SLC4A10: variants seen among roughly 807,000 people sequenced by gnomAD.
The protein encoded by SLC4A10 is solute carrier family 4 member 10.
Under a neutral mutation model 137.7 loss-of-function variants are expected in SLC4A10, and 42 were observed. That is an observed-to-expected ratio of 0.30 (90% CI 0.24 to 0.39). SLC4A10 has a LOEUF of 0.39. SLC4A10 is among the 10% of genes least tolerant of loss of function. The pLI is 1.00. For missense variants in SLC4A10, 925 were observed against 1,355.0 expected, an observed-to-expected ratio of 0.68 and a Z score of 4.98; for synonymous variants, 474 against 464.1, an observed-to-expected ratio of 1.02 and a Z score of -0.27.
chr2:161,799,906 C>G (rs13389434), intron 2 of SLC4A10, among the ~76,000 whole-genome samples: 2,105 of 151,954 alleles, frequency 0.014, 45 homozygotes, highest in African/African-American at 0.048. Flanking sequence ...TATATAAACT[C>G]TTTATATAGT....
Position 161,798,718 on chromosome 2 carries a change from GA to G in SLC4A10, c.131-5725del, listed in dbSNP as rs367932408. 6.4e-3 allele frequency among the ~76,000 whole-genome samples: 971 copies of G among 151,228 alleles called. 12 individuals are homozygous for G. Among genetic ancestry groups the G allele is most frequent in the African/African-American group, 0.022 (921 of 41,266 alleles). ...GACATATGTGTCTTTAAGTTAGAGA[GA>G]AAAAACCTTGACATTTTTCTGTGAC... On this transcript the variant is annotated intron_variant, in intron 2 of 26. Transcript: ENST00000446997.
At chr2:161,868,176 A>T (rs1371964383) in intron 6 of SLC4A10, among the ~76,000 whole-genome samples, 1 of 151,982 alleles carries the variant, frequency 6.6e-6, no homozygotes, top group African/African-American at 2.4e-5. Context: ...AACTATAGCT[A>T]AAGACAAATG....
chr2:161,966,862 A>C (rs557077240), intron 23 of SLC4A10, among the ~76,000 whole-genome samples: 152 of 152,346 alleles, frequency 1.0e-3, no homozygotes, highest in African/African-American at 3.5e-3. Context: ...AATTTGGCAC[A>C]AGTTAAATTT....
intron 5 of SLC4A10, among the ~76,000 whole-genome samples, chr2:161,859,276 TTTTTCTTTTC>T (rs139631187): frequency 1.9e-4 from 27 of 144,534 alleles, no homozygotes; most frequent in Non-Finnish European, 3.3e-4. Flanking sequence ...GTGCTACTAG[TTTTTCTTTTC>T]TTTTCTTTTC....
At chr2:161,911,098 A>C (rs1321761989) in intron 15 of SLC4A10, among the ~76,000 whole-genome samples, 2 of 152,004 alleles carry the variant, frequency 1.3e-5, no homozygotes, top group African/African-American at 4.8e-5. Context: ...TGGTAAGTTA[A>C]GTATACATTA....
chr2:161,804,346 T>C, intron 2 of SLC4A10, 103 bp from the exon 3 acceptor site: 1 of 1,277,460 alleles, frequency 7.8e-7, no homozygotes, highest in South Asian at 1.7e-5. Flanking sequence ...CAAAAATGAC[T>C]TGCTGAATTA....
intron 4 of SLC4A10, among the ~76,000 whole-genome samples, chr2:161,843,581 A>G (rs1313301100): frequency 1.3e-5 from 2 of 152,126 alleles, no homozygotes; most frequent in African/African-American, 4.8e-5. Context: ...GGCAGAACAT[A>G]TTTATTGAGG....
intron 1 of SLC4A10, among the ~76,000 whole-genome samples, chr2:161,758,578 C>T (rs1053735987): frequency 9.2e-5 from 14 of 151,948 alleles, no homozygotes; most frequent in African/African-American, 3.4e-4. Context: ...AATCATTAAA[C>T]TAACAGACAC....
chr2:161,879,344 G>T (rs2061619071), intron 9 of SLC4A10, 56 bp downstream of exon 9: 4 of 1,474,554 alleles, frequency 2.7e-6, no homozygotes, highest in Non-Finnish European at 3.7e-6. Context: ...TTCATGGAAA[G>T]AAAATGAGGA....
chr2:161,721,113 G>A (rs1039755652), intron 1 of SLC4A10, among the ~76,000 whole-genome samples: 1 of 152,148 alleles, frequency 6.6e-6, no homozygotes, highest in Non-Finnish European at 1.5e-5. Context: ...ACAGGCATGA[G>A]CCAGGGCCTT....
intron 1 of SLC4A10, among the ~76,000 whole-genome samples, chr2:161,766,366 T>G (rs1030481013): frequency 4.6e-5 from 7 of 152,122 alleles, no homozygotes; most frequent in Admixed American, 1.3e-4. Flanking sequence ...AGAGAAAAAT[T>G]ATTTGTATAA....
At position 161,701,305 on chromosome 2, in the gene SLC4A10, C is replaced by T. The variant is rs2043098905; in HGVS notation, c.49-69668C>T. ...AATCTATTTATTTATGATCTGTGAA[C>T]CTGTCTGTGTTAGAATTTAAAAAGA... On this transcript the variant is annotated intron_variant, in intron 1 of 26. Transcript: ENST00000446997. 3.9e-5 allele frequency among the ~76,000 whole-genome samples: 6 copies of T among 151,908 alleles called. 1 individual carries two copies. Among genetic ancestry groups the T allele is most frequent in the Admixed American group, 3.9e-4 (6 of 15,226 alleles).
At chr2:161,714,653 T>A (rs951128201) in intron 1 of SLC4A10, among the ~76,000 whole-genome samples, 1 of 151,920 alleles carries the variant, frequency 6.6e-6, no homozygotes, top group Non-Finnish European at 1.5e-5. Context: ...CTGTATAACA[T>A]GGAGGAAAGC....
intron 17 of SLC4A10, 62 bp downstream of exon 17, chr2:161,947,789 A>T (rs1172832011): frequency 6.5e-7 from 1 of 1,540,156 alleles, no homozygotes; most frequent in African/African-American, 1.4e-5. Context: ...AGAGTAATTG[A>T]TGTAATAAAA....
At chr2:161,812,371 T>TG (rs1168311560) in intron 3 of SLC4A10, among the ~76,000 whole-genome samples, 1 of 151,242 alleles carries the variant, frequency 6.6e-6, no homozygotes, top group East Asian at 1.9e-4. Context: ...ATATCTTTCA[T>TG]TTTTTTTTAA....
At chr2:161,810,183 G>C (rs1455740824) in intron 3 of SLC4A10, among the ~76,000 whole-genome samples, 1 of 151,948 alleles carries the variant, frequency 6.6e-6, no homozygotes, top group Non-Finnish European at 1.5e-5. Flanking sequence ...TGTTATTGCT[G>C]TACAGAAATA....
At chr2:161,733,582 G>A (rs2047026786) in intron 1 of SLC4A10, among the ~76,000 whole-genome samples, 1 of 152,240 alleles carries the variant, frequency 6.6e-6, no homozygotes, top group Non-Finnish European at 1.5e-5. Flanking sequence ...TGTGGGGTTG[G>A]AGCCCCCACC....
chr2:161,899,779 A>C (rs1682620125), intron 11 of SLC4A10, among the ~76,000 whole-genome samples: 1 of 152,106 alleles, frequency 6.6e-6, no homozygotes, highest in African/African-American at 2.4e-5. Flanking sequence ...TATCCTATTT[A>C]CCTGTAAAGA....
chr2:161,693,630 T>C (rs2042211308), intron 1 of SLC4A10, among the ~76,000 whole-genome samples: 1 of 151,122 alleles, frequency 6.6e-6, no homozygotes, highest in African/African-American at 2.4e-5. Flanking sequence ...CTTCAGCCTC[T>C]GGCAACCAGC....
Sources: gnomAD v4.1 joint callset for allele counts (sites outside exome capture counted in the v4.1 genomes callset) on GRCh38, gnomAD v4.1.1 for gene constraint, MANE v1.5 for transcripts, NCBI Gene and HGNC (gene_info 2026-07-23, HGNC 2026-07-21) for gene names.